The following DPP10 variants were observed in gnomAD, a reference collection of about 807,000 sequenced individuals.
DPP10 encodes the protein dipeptidyl peptidase like 10.
DPP10 carries 33 observed loss-of-function variants against 120.9 expected under a neutral mutation model. The observed-to-expected ratio is 0.27, with a 90% CI of 0.21 to 0.37. DPP10 has a LOEUF of 0.37. Ranked by LOEUF, DPP10 falls within the 10% of genes least tolerant of loss-of-function variation. The pLI, the probability that DPP10 is intolerant of heterozygous loss-of-function variation, is 1.00. For missense variants in DPP10, 816 were observed against 942.8 expected, an observed-to-expected ratio of 0.87 and a Z score of 1.76; for synonymous variants, 337 against 326.1, an observed-to-expected ratio of 1.03 and a Z score of -0.36.
intron 1 of DPP10, among the ~76,000 whole-genome samples, chr2:114,623,196 G>T (rs994921339): frequency 2.6e-5 from 4 of 152,022 alleles, no homozygotes; most frequent in Non-Finnish European, 5.9e-5. Context: ...CAGCAAAAAT[G>T]CACTGAATAT....
intron 1 of DPP10, among the ~76,000 whole-genome samples, chr2:115,188,061 A>AG (rs2054587109): frequency 4.1e-5 from 6 of 146,980 alleles, no homozygotes; most frequent in Non-Finnish European, 9.0e-5. Context: ...GAGAGAGGCA[A>AG]AGAGAGAGAG....
chr2:115,283,708 C>T (rs980965949), intron 1 of DPP10, among the ~76,000 whole-genome samples: 1 of 151,940 alleles, frequency 6.6e-6, no homozygotes, highest in Admixed American at 6.6e-5. Context: ...AATGTGGTTC[C>T]CTGAGTATGT....
intron 13 of DPP10, among the ~76,000 whole-genome samples, chr2:115,771,761 C>T (rs945894719): frequency 2.0e-5 from 3 of 152,218 alleles, no homozygotes; most frequent in African/African-American, 7.2e-5. Context: ...AGCCAGGTCA[C>T]CTTTGCAGTA....
intron 1 of DPP10, among the ~76,000 whole-genome samples, chr2:114,964,452 T>C (rs1233916111): frequency 6.6e-6 from 1 of 151,938 alleles, no homozygotes; most frequent in East Asian, 1.9e-4. Flanking sequence ...GGAGCAATGA[T>C]AAGAAGTGTG....
intron 5 of DPP10, among the ~76,000 whole-genome samples, chr2:115,652,135 T>A (rs1228889888): frequency 6.6e-6 from 1 of 152,054 alleles, no homozygotes; most frequent in African/African-American, 2.4e-5. Flanking sequence ...GCTGGAATAG[T>A]TGGATACATG....
chr2:115,470,337 T>C (rs1043294842), intron 3 of DPP10, among the ~76,000 whole-genome samples: 3 of 152,188 alleles, frequency 2.0e-5, no homozygotes, highest in African/African-American at 2.4e-5. Context: ...AACGTTTTAA[T>C]GTGGTGAACC....
intron 5 of DPP10, among the ~76,000 whole-genome samples, chr2:115,599,534 C>G (rs905624093): frequency 1.3e-5 from 2 of 151,930 alleles, no homozygotes; most frequent in African/African-American, 4.8e-5. Context: ...TTTATATTGT[C>G]TGTATCTTTG....
intron 1 of DPP10, among the ~76,000 whole-genome samples, chr2:115,298,726 C>A (rs2060996328): frequency 6.6e-6 from 1 of 152,002 alleles, no homozygotes; most frequent in Non-Finnish European, 1.5e-5. Flanking sequence ...TAGGACTTCC[C>A]TGGCCCTGGA....
At chr2:114,838,827 A>G (rs1480526859) in intron 1 of DPP10, among the ~76,000 whole-genome samples, 1 of 151,960 alleles carries the variant, frequency 6.6e-6, no homozygotes, top group Admixed American at 6.6e-5. Flanking sequence ...ACTTTTCCAC[A>G]CCATTTACCT....
At chr2:115,719,437 A>T (rs1411486929) in intron 7 of DPP10, among the ~76,000 whole-genome samples, 1 of 152,190 alleles carries the variant, frequency 6.6e-6, no homozygotes. Flanking sequence ...CAAAGGTGAC[A>T]TGAGTGATTT....
At chr2:114,995,345 C>T (rs1037584155) in intron 1 of DPP10, among the ~76,000 whole-genome samples, 7 of 152,074 alleles carry the variant, frequency 4.6e-5, no homozygotes, top group African/African-American at 1.7e-4. Flanking sequence ...AAGTCTCTTT[C>T]CCCCATTCCT....
At chr2:115,130,697 C>T (rs779613888) in intron 1 of DPP10, among the ~76,000 whole-genome samples, 4 of 152,132 alleles carry the variant, frequency 2.6e-5, no homozygotes, top group Non-Finnish European at 5.9e-5. Flanking sequence ...TGTGAGATAT[C>T]TCTCCCTGTC....
At chr2:115,534,514 T>G (rs1006048742) in intron 5 of DPP10, among the ~76,000 whole-genome samples, 1 of 152,020 alleles carries the variant, frequency 6.6e-6, no homozygotes, top group African/African-American at 2.4e-5. Flanking sequence ...CTATCATTGT[T>G]GGACATTTGG....
chr2:115,316,441 A>G (rs943613067), intron 2 of DPP10, among the ~76,000 whole-genome samples: 13 of 152,176 alleles, frequency 8.5e-5, no homozygotes, highest in Admixed American at 7.2e-4. Flanking sequence ...AACTAATTCT[A>G]TGTATTTCTA....
intron 1 of DPP10, among the ~76,000 whole-genome samples, chr2:114,468,202 G>A (rs1679580231): frequency 6.6e-6 from 1 of 151,830 alleles, no homozygotes; most frequent in Non-Finnish European, 1.5e-5. Context: ...CCTTTCTAAG[G>A]TCCAAGGCTA....
At chr2:115,276,972 CA>C (rs1259049643) in intron 1 of DPP10, among the ~76,000 whole-genome samples, 5 of 152,050 alleles carry the variant, frequency 3.3e-5, no homozygotes, top group African/African-American at 4.8e-5. Flanking sequence ...AATTTAGTTT[CA>C]AATTATAAAA....
intron 21 of DPP10, among the ~76,000 whole-genome samples, chr2:115,820,421 A>ATTTTTTT (rs577009474): frequency 2.7e-5 from 4 of 146,860 alleles, no homozygotes; most frequent in African/African-American, 1.0e-4. Flanking sequence ...TAGTGAATTG[A>ATTTTTTT]TTTTTTTTTC....
chr2:114,865,425 A>G (rs1367032570), intron 1 of DPP10, among the ~76,000 whole-genome samples: 1 of 152,224 alleles, frequency 6.6e-6, no homozygotes, highest in Non-Finnish European at 1.5e-5. Context: ...ATAAATTCAT[A>G]AATAAATCTA....
intron 19 of DPP10, among the ~76,000 whole-genome samples, chr2:115,811,131 A>G (rs1686595409): frequency 6.6e-6 from 1 of 152,214 alleles, no homozygotes; most frequent in Admixed American, 6.5e-5. Flanking sequence ...TTTGTTCCTT[A>G]TAATGCCAAT....
Sources: gnomAD v4.1 joint callset for allele counts (sites outside exome capture counted in the v4.1 genomes callset) on GRCh38, gnomAD v4.1.1 for gene constraint, MANE v1.5 for transcripts, NCBI Gene and HGNC (gene_info 2026-07-23, HGNC 2026-07-21) for gene names.